Variants in CDH18 observed in about 807,000 individuals in gnomAD.
The protein encoded by CDH18 is cadherin-18.
CDH18 carries 31 observed loss-of-function variants against 67.9 expected under a neutral mutation model. That is an observed-to-expected ratio of 0.46 (90% confidence interval 0.34 to 0.62). The LOEUF is 0.62. Among genes scored for constraint, CDH18 ranks in the 20% least tolerant of loss-of-function variants. The pLI is 0.01. For synonymous variants in CDH18, 362 were observed against 347.2 expected, an observed-to-expected ratio of 1.04 and a Z score of -0.48; for missense variants, 890 against 975.5, an observed-to-expected ratio of 0.91 and a Z score of 1.17.
chr5:19,624,218 G>C (rs1751164358), intron 5 of CDH18, among the ~76,000 whole-genome samples: 1 of 151,778 alleles, frequency 6.6e-6, no homozygotes, highest in Non-Finnish European at 1.5e-5. Context: ...TGTTGGCCAG[G>C]CTGGTCTTGA....
intron 1 of CDH18, among the ~76,000 whole-genome samples, chr5:20,444,171 A>G (rs1749832331): frequency 6.7e-6 from 1 of 149,954 alleles, no homozygotes; most frequent in African/African-American, 2.5e-5. Flanking sequence ...CCTATCCAAT[A>G]TTACATTTGA....
At chr5:20,167,712 A>C (rs1736400492) in intron 2 of CDH18, among the ~76,000 whole-genome samples, 1 of 152,172 alleles carries the variant, frequency 6.6e-6, no homozygotes, top group African/African-American at 2.4e-5. Flanking sequence ...TCCTAGATCC[A>C]AGGGAACAAG....
At chr5:19,516,979 ATC>A (rs1488037456) in intron 10 of CDH18, among the ~76,000 whole-genome samples, 1 of 152,146 alleles carries the variant, frequency 6.6e-6, no homozygotes, top group African/African-American at 2.4e-5. Flanking sequence ...AAAATTTCAT[ATC>A]TCTGTGGGAA....
At chr5:20,409,888 T>C (rs1354284765) in intron 1 of CDH18, among the ~76,000 whole-genome samples, 1 of 151,516 alleles carries the variant, frequency 6.6e-6, no homozygotes, top group African/African-American at 2.4e-5. Flanking sequence ...CCAGGTAAAC[T>C]AGAAGAAACA....
chr5:19,663,720 CTCAACTTA>C (rs1757505292), intron 5 of CDH18, among the ~76,000 whole-genome samples: 1 of 151,840 alleles, frequency 6.6e-6, no homozygotes, highest in African/African-American at 2.4e-5. Context: ...AACTCTAATT[CTCAACTTA>C]TTTGACTAGT....
chr5:19,708,538 T>C (rs1412109820), intron 5 of CDH18, among the ~76,000 whole-genome samples: 1 of 152,116 alleles, frequency 6.6e-6, no homozygotes, highest in African/African-American at 2.4e-5. Flanking sequence ...TCTGCAGCAC[T>C]GTGACATACT....
chr5:20,436,387 G>A, intron 1 of CDH18, among the ~76,000 whole-genome samples: 1 of 151,654 alleles, frequency 6.6e-6, no homozygotes, highest in Non-Finnish European at 1.5e-5. Flanking sequence ...ATTCTATCAT[G>A]CTCTTGTGTA....
intron 5 of CDH18, among the ~76,000 whole-genome samples, chr5:19,713,665 GT>G (rs1764995427): frequency 6.6e-6 from 1 of 152,064 alleles, no homozygotes; most frequent in Admixed American, 6.6e-5. Context: ...TTGGTACTTT[GT>G]TTTGGAAATA....
intron 1 of CDH18, among the ~76,000 whole-genome samples, chr5:20,348,575 G>T (rs1051434497): frequency 6.6e-6 from 1 of 152,136 alleles, no homozygotes; most frequent in Admixed American, 6.6e-5. Context: ...CAGAAACGTT[G>T]ATCAAGTGAC....
rs150749216 is a variant in CDH18, at chr5:20,420,604, C to T, written c.-580+154858G>A. Among the ~76,000 whole-genome samples, 195 of 151,162 alleles carry T rather than the reference C, an allele frequency of 1.3e-3. 11 individuals are homozygous for T. Among genetic ancestry groups the T allele is most frequent in the African/African-American group, 4.6e-3 (187 of 40,538 alleles). ...CAGTAAACATATATTACTTGCCTGG[C>T]AGTAATAAAGTTTCAAAAGACATAA... On this transcript the variant is annotated intron_variant, in intron 1 of 14. Coordinates refer to the CDH18 transcript ENST00000507958.
intron 5 of CDH18, among the ~76,000 whole-genome samples, chr5:19,614,974 C>T (rs1478623617): frequency 1.3e-5 from 2 of 152,028 alleles, no homozygotes; most frequent in Admixed American, 6.6e-5. Flanking sequence ...GGTGAAACCC[C>T]GTCTCTACTA....
At chr5:19,525,432 T>C (rs557390344) in intron 9 of CDH18, among the ~76,000 whole-genome samples, 28 of 152,176 alleles carry the variant, frequency 1.8e-4, no homozygotes, top group African/African-American at 6.8e-4. Context: ...ATACCTACTA[T>C]CATTCAGTGT....
At chr5:20,060,205 C>T (rs1742342574) in intron 2 of CDH18, among the ~76,000 whole-genome samples, 1 of 152,036 alleles carries the variant, frequency 6.6e-6, no homozygotes, top group South Asian at 2.1e-4. Flanking sequence ...TGACTCATGC[C>T]TGTAATCCCA....
intron 2 of CDH18, among the ~76,000 whole-genome samples, chr5:19,946,277 G>A (rs1795274609): frequency 6.6e-6 from 1 of 152,090 alleles, no homozygotes; most frequent in Non-Finnish European, 1.5e-5. Context: ...CCGGAAGGAA[G>A]GGGAAATAAA....
chr5:19,621,488 CG>C (rs1339161688), intron 5 of CDH18, among the ~76,000 whole-genome samples: 2 of 152,072 alleles, frequency 1.3e-5, no homozygotes, highest in Non-Finnish European at 2.9e-5. Context: ...GAATTATAAT[CG>C]GGATCTCATA....
chr5:19,903,022 A>T (rs972035870), intron 2 of CDH18, among the ~76,000 whole-genome samples: 1 of 151,954 alleles, frequency 6.6e-6, no homozygotes, highest in Non-Finnish European at 1.5e-5. Context: ...AAATATAAAA[A>T]TACATTATTT....
chr5:19,992,084 C>A (rs538516755), upstream of CDH18: 1 of 145,914 alleles, frequency 6.9e-6, no homozygotes, highest in African/African-American at 2.5e-5. Context: ...AAATGAAAGA[C>A]ATCTATCAAG....
At chr5:19,488,227 A>AT (rs922469925) in intron 11 of CDH18, among the ~76,000 whole-genome samples, 6 of 152,136 alleles carry the variant, frequency 3.9e-5, no homozygotes, top group Non-Finnish European at 5.9e-5. Flanking sequence ...AATAAATCCT[A>AT]TTTTTTAGTC....
rs972289789 is a variant in CDH18, at chr5:20,107,235, C to T, written c.-517-115221G>A. Among the ~76,000 whole-genome samples the T allele has an allele frequency of 3.3e-5, 5 of 152,196 alleles. No individual in the cohort carries two copies. In the East Asian group the frequency reaches 7.8e-4, roughly 24 times the overall value. On this transcript the variant is annotated intron_variant, in intron 2 of 14. Transcript: ENST00000507958. The stretch of plus-strand genomic sequence containing the variant: ...AGCTGGGACTACAGGCGCCCTCCAT[C>T]ACGCCCGGCTATTTTTTTAGTAGAG...
Sources: allele counts gnomAD v4.1 joint callset (sites outside exome capture counted in the v4.1 genomes callset), GRCh38; gene constraint gnomAD v4.1.1; transcripts MANE v1.5; gene names NCBI Gene and HGNC (gene_info 2026-07-23, HGNC 2026-07-21).